The following RNLS variants were observed in gnomAD, a reference collection of about 807,000 sequenced individuals.
RNLS encodes the protein renalase, FAD dependent amine oxidase.
In RNLS, 39 loss-of-function variants were observed where a neutral mutation model predicts 39.8. The ratio of observed to expected loss-of-function variants is 0.98; its 90% CI spans 0.76 to 1.28. RNLS has a LOEUF of 1.28. RNLS is among the 50% of genes most tolerant of loss of function. The pLI is 0.00. For synonymous variants in RNLS, 147 were observed against 150.7 expected (o/e 0.98, Z 0.18); for missense variants, 410 against 413.3 (o/e 0.99, Z 0.07).
intron 4 of RNLS, among the ~76,000 whole-genome samples, chr10:88,501,684 G>A (rs527693865): frequency 4.8e-4 from 73 of 152,264 alleles, no homozygotes; most frequent in Middle Eastern, 3.4e-3. Flanking sequence ...TATTCAAAGC[G>A]TGTGGATTCC....
chr10:88,434,658 T>TA (rs1448163229), intron 4 of RNLS, among the ~76,000 whole-genome samples: 1 of 152,146 alleles, frequency 6.6e-6, no homozygotes, highest in Non-Finnish European at 1.5e-5. Context: ...TGATTATACA[T>TA]AAACTTAAAA....
chr10:88,435,419 T>A (rs1278565163), intron 4 of RNLS, among the ~76,000 whole-genome samples: 1 of 147,722 alleles, frequency 6.8e-6, no homozygotes, highest in Non-Finnish European at 1.5e-5. Context: ...GAAATCAAAT[T>A]ACCAAATATT....
chr10:88,537,363 A>G (rs887033723), intron 4 of RNLS, among the ~76,000 whole-genome samples: 2 of 152,230 alleles, frequency 1.3e-5, no homozygotes, highest in Admixed American at 1.3e-4. Flanking sequence ...TATATATGCA[A>G]CAGAAATATA....
At chr10:88,343,701 C>A in intron 5 of RNLS, 1 of 985,374 alleles carries the variant, frequency 1.0e-6, no homozygotes, top group African/African-American at 1.7e-5. Context: ...ATTTCAGGAT[C>A]TGTTTGGGAG....
At chr10:88,469,273 C>T (rs1005187208) in intron 4 of RNLS, among the ~76,000 whole-genome samples, 1 of 152,188 alleles carries the variant, frequency 6.6e-6, no homozygotes, top group Non-Finnish European at 1.5e-5. Context: ...AGTGCTCAGC[C>T]TGGGATCCAG....
the RNLS span, among the ~76,000 whole-genome samples, chr10:88,186,641 A>C: frequency 6.6e-6 from 1 of 152,192 alleles, no homozygotes; most frequent in Non-Finnish European, 1.5e-5. Context: ...TTTAAGTGAT[A>C]TATCAGTGCT....
intron 5 of RNLS, among the ~76,000 whole-genome samples, chr10:88,356,594 A>G (rs1214998127): frequency 1.3e-5 from 2 of 152,224 alleles, no homozygotes; most frequent in Non-Finnish European, 2.9e-5. Context: ...ACAGCCATTG[A>G]AGGTATTATA....
At chr10:88,335,342 C>A (rs1178795391) in intron 5 of RNLS, among the ~76,000 whole-genome samples, 2 of 152,030 alleles carry the variant, frequency 1.3e-5, no homozygotes, top group African/African-American at 4.8e-5. Flanking sequence ...CTCAGCCTCT[C>A]AAGTAGCTGG....
intron 4 of RNLS, among the ~76,000 whole-genome samples, chr10:88,478,378 C>T (rs1032715201): frequency 3.3e-5 from 5 of 152,160 alleles, no homozygotes; most frequent in African/African-American, 1.2e-4. Flanking sequence ...AGGCCCACTC[C>T]TAGCTTGCCA....
chr10:88,529,553 G>A (rs978169375), intron 4 of RNLS, among the ~76,000 whole-genome samples: 2 of 152,120 alleles, frequency 1.3e-5, no homozygotes, highest in Admixed American at 6.6e-5. Context: ...GATTGTATAT[G>A]TGTGTAATGA....
intron 4 of RNLS, among the ~76,000 whole-genome samples, chr10:88,453,232 A>G (rs1589819578): frequency 6.6e-6 from 1 of 152,242 alleles, no homozygotes; most frequent in East Asian, 1.9e-4. Context: ...TAGTACTTAC[A>G]CCTCCAGCTG....
At chr10:88,505,473 CAGAA>C (rs1440856025) in intron 4 of RNLS, among the ~76,000 whole-genome samples, 1 of 144,424 alleles carries the variant, frequency 6.9e-6, no homozygotes, top group Non-Finnish European at 1.5e-5. Context: ...GAAGGAGAGA[CAGAA>C]AGAGAGAGAG....
Position 88,489,562 on chromosome 10 carries a change from AGG to A in RNLS, c.526+83339_526+83340del, listed in dbSNP as rs1844764857. Among the ~76,000 whole-genome samples the A allele has an allele frequency of 2.6e-5, 4 of 152,324 alleles. No individual in the cohort carries two copies. The South Asian group carries it at 8.3e-4, about 32-fold the overall frequency. On this transcript the variant is annotated intron_variant, in intron 4 of 6. Transcript: ENST00000331772. The stretch of plus-strand genomic sequence containing the variant: ...AAAGAAAATGCCAAAATGGATGTGG[AGG>A]CTATGGTTCCCAAGGTGATTCAAAT...
the RNLS span, among the ~76,000 whole-genome samples, chr10:88,219,608 C>A: frequency 5.3e-5 from 8 of 152,160 alleles, no homozygotes; most frequent in Non-Finnish European, 1.2e-4. Context: ...CTCCCTTAGT[C>A]ATATGGTTGC....
the RNLS span, among the ~76,000 whole-genome samples, chr10:88,215,406 C>T: frequency 6.6e-6 from 1 of 152,264 alleles, no homozygotes; most frequent in Non-Finnish European, 1.5e-5. Flanking sequence ...AAATCCAAAT[C>T]TGTCTAATTT....
chr10:88,255,969 C>A, the RNLS span, among the ~76,000 whole-genome samples: 2 of 152,206 alleles, frequency 1.3e-5, no homozygotes, highest in Admixed American at 6.5e-5. Flanking sequence ...CAGAACTCAT[C>A]TTCCTCTAGG....
At chr10:88,448,650 G>T (rs1460352968) in intron 4 of RNLS, among the ~76,000 whole-genome samples, 1 of 152,184 alleles carries the variant, frequency 6.6e-6, no homozygotes, top group African/African-American at 2.4e-5. Flanking sequence ...CCATTACTGG[G>T]TATATACCCA....
At chr10:88,358,645 T>C (rs1476996046) in intron 5 of RNLS, among the ~76,000 whole-genome samples, 1 of 152,160 alleles carries the variant, frequency 6.6e-6, no homozygotes, top group Non-Finnish European at 1.5e-5. Context: ...CAAACAAGGA[T>C]ATTGGGGCAT....
At chr10:88,410,549 A>ATCCT (rs1193237576) in intron 4 of RNLS, among the ~76,000 whole-genome samples, 1 of 152,102 alleles carries the variant, frequency 6.6e-6, no homozygotes, top group Non-Finnish European at 1.5e-5. Context: ...GTCCCCATAA[A>ATCCT]TATATGATGA....
Sources: gnomAD v4.1 joint callset for allele counts (sites outside exome capture counted in the v4.1 genomes callset) on GRCh38, gnomAD v4.1.1 for gene constraint, MANE v1.5 for transcripts, NCBI Gene and HGNC (gene_info 2026-07-23, HGNC 2026-07-21) for gene names.